The following ROBO2 variants were observed in gnomAD, a reference collection of about 807,000 sequenced individuals.
The protein encoded by ROBO2 is roundabout guidance receptor 2.
ROBO2 carries 53 observed loss-of-function variants against 160.8 expected under a neutral mutation model. The observed-to-expected ratio is 0.33, with a 90% confidence interval of 0.26 to 0.41. ROBO2 has a LOEUF of 0.41. Ranked by LOEUF, ROBO2 falls within the 10% of genes least tolerant of loss-of-function variation. The probability of loss-of-function intolerance (pLI) is 1.00; values close to 1 mark genes in which losing one functional copy is unlikely to be tolerated. For missense variants in ROBO2, 1,577 were observed against 1,722.4 expected (o/e 0.92, Z 1.49); for synonymous variants, 664 against 611.7 (o/e 1.09, Z -1.26).
At position 77,192,710 on chromosome 3, in the gene ROBO2, A is replaced by G. The variant is rs935606056; in HGVS notation, c.388+94370A>G. On this transcript the variant is annotated intron_variant, in intron 2 of 25. Coordinates refer to ENST00000461745, the Ensembl canonical transcript of ROBO2. ...ACCCAGGTTGGAGTGCAGTGGTGCA[A>G]TCTTGGCTCACTGCAACCTCTGCCT... Among the ~76,000 whole-genome samples, 5 of 139,346 alleles carry G rather than the reference A, an allele frequency of 3.6e-5. No homozygotes were observed. In the Admixed American group the frequency reaches 3.9e-4, roughly 11 times the overall value. The allele number at this position is 139,346 out of a possible 152,430, so 91.4% of individuals were successfully genotyped here. A position where few individuals can be genotyped will look rare whatever the true frequency, so the allele number is the denominator to read the frequency against.
chr3:76,304,529 T>C (rs2071225731), intron 2 of ROBO2, among the ~76,000 whole-genome samples: 1 of 152,196 alleles, frequency 6.6e-6, no homozygotes, highest in Non-Finnish European at 1.5e-5. Context: ...AAATCCCAGC[T>C]AAAATTTTAT....
At chr3:76,764,437 A>C (rs2108419795) in intron 2 of ROBO2, among the ~76,000 whole-genome samples, 1 of 151,800 alleles carries the variant, frequency 6.6e-6, no homozygotes, top group South Asian at 2.1e-4. Context: ...ATTTGCACAG[A>C]TTTTTAATAA....
chr3:76,690,144 A>C (rs3849508), intron 2 of ROBO2, among the ~76,000 whole-genome samples: 31,471 of 152,034 alleles, frequency 0.21, 5,551 homozygotes, highest in African/African-American at 0.48. Flanking sequence ...TTTTCTAATC[A>C]GAGGAAGCAT....
intron 2 of ROBO2, among the ~76,000 whole-genome samples, chr3:76,863,911 T>C (rs2148633461): frequency 6.6e-6 from 1 of 152,198 alleles, no homozygotes; most frequent in Non-Finnish European, 1.5e-5. Context: ...TTAATAAAGA[T>C]TTTTGTTCTT....
chr3:77,047,771 C>T (rs1177602141), intron 1 of ROBO2, among the ~76,000 whole-genome samples: 3 of 136,262 alleles, frequency 2.2e-5, no homozygotes, highest in East Asian at 2.3e-4. Flanking sequence ...GGGCTGGGCG[C>T]GGTGGCTCAC....
intron 2 of ROBO2, among the ~76,000 whole-genome samples, chr3:76,837,570 C>T (rs1434501439): frequency 6.7e-6 from 1 of 149,882 alleles, no homozygotes; most frequent in Non-Finnish European, 1.5e-5. Context: ...GCAATTAGCT[C>T]ACATATAACT....
chr3:76,433,359 ATAAAC>A (rs1449731062), intron 2 of ROBO2, among the ~76,000 whole-genome samples: 10 of 152,230 alleles, frequency 6.6e-5, no homozygotes, highest in Admixed American at 2.0e-4. Context: ...TTTAGTATAA[ATAAAC>A]TAAACAATTG....
At chr3:76,404,804 G>A (rs777176171) in intron 2 of ROBO2, among the ~76,000 whole-genome samples, 8 of 151,506 alleles carry the variant, frequency 5.3e-5, no homozygotes, top group Admixed American at 1.3e-4. Context: ...TATAGAAAAC[G>A]GAGAAAATTG....
intron 2 of ROBO2, among the ~76,000 whole-genome samples, chr3:76,266,623 T>C (rs868122005): frequency 6.6e-6 from 1 of 152,070 alleles, no homozygotes; most frequent in African/African-American, 2.4e-5. Flanking sequence ...CAGAGTAACA[T>C]TGGGGATTTA....
chr3:77,217,423 A>G (rs1245032816), intron 2 of ROBO2, among the ~76,000 whole-genome samples: 5 of 152,104 alleles, frequency 3.3e-5, no homozygotes, highest in Non-Finnish European at 7.4e-5. Flanking sequence ...GATTACAGGC[A>G]TGGGCCACCA....
At chr3:77,549,042 A>G (rs148846564) in intron 7 of ROBO2, among the ~76,000 whole-genome samples, 7 of 152,088 alleles carry the variant, frequency 4.6e-5, no homozygotes, top group African/African-American at 1.7e-4. Context: ...GATAATGCCA[A>G]TTAGCTCTAA....
chr3:77,324,795 A>G (rs556601550), intron 2 of ROBO2, among the ~76,000 whole-genome samples: 2 of 151,898 alleles, frequency 1.3e-5, no homozygotes, highest in South Asian at 2.1e-4. Context: ...AAGAAAAAAA[A>G]AAAAAAAAAG....
chr3:76,965,731 C>T (rs2080018287), intron 2 of ROBO2, among the ~76,000 whole-genome samples: 1 of 144,580 alleles, frequency 6.9e-6, no homozygotes, highest in South Asian at 2.2e-4. Flanking sequence ...AAAGAAACTT[C>T]CACAATGGTA....
At chr3:77,426,182 G>A (rs1273364602) in intron 2 of ROBO2, among the ~76,000 whole-genome samples, 1 of 152,126 alleles carries the variant, frequency 6.6e-6, no homozygotes, top group Non-Finnish European at 1.5e-5. Context: ...TGGAAATGGA[G>A]CAAAGTGAGC....
intron 2 of ROBO2, among the ~76,000 whole-genome samples, chr3:77,371,896 A>C (rs1156476804): frequency 1.3e-5 from 2 of 152,232 alleles, no homozygotes; most frequent in Non-Finnish European, 2.9e-5. Flanking sequence ...AAATTGCTGC[A>C]GTAGTCACTT....
At chr3:76,567,630 T>TATATATATATAC (rs2084622012) in intron 2 of ROBO2, among the ~76,000 whole-genome samples, 1 of 75,150 alleles carries the variant, frequency 1.3e-5, no homozygotes, top group Non-Finnish European at 2.8e-5. Flanking sequence ...GATATATATA[T>TATATATATATAC]ATATATATAT....
chr3:77,336,491 A>G (rs909901098), intron 2 of ROBO2, among the ~76,000 whole-genome samples: 1 of 145,164 alleles, frequency 6.9e-6, no homozygotes, highest in African/African-American at 2.5e-5. Flanking sequence ...CTTTTAACCC[A>G]TCTCTTTCTC....
rs367824641 is a variant in ROBO2 at position 76,603,326 on chromosome 3, CATCTCCAAAAAAA to C, written c.110-494686_110-494674del. Among the ~76,000 whole-genome samples the C allele has an allele frequency of 2.1e-4, 17 of 81,772 alleles. 1 individual carries two copies. The highest frequency in any genetic ancestry group is 7.1e-4 in the Admixed American group (5 of 7,062). 53.6% of individuals were successfully genotyped at this position (81,772 alleles called of 152,430 possible). ...CAGCCTGGGTGACAGAGCGAGACTC[CATCTCCAAAAAAA>C]AAAAAAAAAAAAATATATATATATA... On this transcript the variant is annotated intron_variant, in intron 2 of 26. Coordinates refer to the ROBO2 transcript ENST00000487694.
chr3:76,621,462 G>A (rs2089074137), intron 2 of ROBO2, among the ~76,000 whole-genome samples: 1 of 152,194 alleles, frequency 6.6e-6, no homozygotes, highest in South Asian at 2.1e-4. Context: ...CAAGAATGGT[G>A]AATAGCTCTG....
Sources: allele counts gnomAD v4.1 joint callset (sites outside exome capture counted in the v4.1 genomes callset), GRCh38; gene constraint gnomAD v4.1.1; transcripts MANE v1.5; gene names NCBI Gene and HGNC (gene_info 2026-07-23, HGNC 2026-07-21).